TMEM59L: variants seen among roughly 807,000 people sequenced by gnomAD.
TMEM59L encodes transmembrane protein 59-like.
Under a neutral mutation model 39.6 loss-of-function variants are expected in TMEM59L, and 31 were observed. The observed-to-expected ratio is 0.78, with a 90% CI of 0.59 to 1.06. The LOEUF is 1.06. Among genes scored for constraint, TMEM59L ranks in the 50% least tolerant of loss-of-function variants. The pLI, the probability that TMEM59L is intolerant of heterozygous loss-of-function variation, is 0.00. For missense variants in TMEM59L, 441 were observed against 451.3 expected, an observed-to-expected ratio of 0.98 and a Z score of 0.21; for synonymous variants, 219 against 202.9, an observed-to-expected ratio of 1.08 and a Z score of -0.68.
At chr19:18,617,427 C>G (rs539092703) in intron 5 of TMEM59L, 1 of 493,294 alleles carries the variant, frequency 2.0e-6, no homozygotes, top group Non-Finnish European at 4.0e-6. Flanking sequence ...TGGCCACCTC[C>G]CAGGGTTCCG....
In TMEM59L at chr19:18,619,186, C is replaced by T. The variant is rs531447557; in HGVS notation, c.900+694C>T. ...TTTGTATTTTTTGTAGAGATGGGGA[C>T]TATGTTGCCCAGGCTGGTCTTGAAC... On this transcript the variant is annotated intron_variant, in intron 7 of 7. Coordinates refer to ENST00000262817, the MANE Select transcript of TMEM59L (RefSeq NM_012109.3). 7.2e-5 allele frequency among the ~76,000 whole-genome samples: 11 copies of T among 152,132 alleles called. No individual in the cohort carries two copies. In the East Asian group the frequency reaches 1.7e-3, roughly 24 times the overall value.
Position 18,613,027 on chromosome 19 carries a change from C to T in TMEM59L, c.69C>T (p.Ala23=). 1 of 1,392,844 alleles carries T rather than the reference C, an allele frequency of 7.2e-7. No homozygotes were observed. Among genetic ancestry groups the T allele is most frequent in the South Asian group, 1.6e-5 (1 of 64,440 alleles). 86.3% of individuals were successfully genotyped at this position (1,392,844 alleles called of 1,614,324 possible). Residue 23 remains alanine, a synonymous_variant, in exon 1 of 8, where the codon GCC becomes GCT. Coordinates refer to ENST00000262817, the MANE Select transcript of TMEM59L (RefSeq NM_012109.3). ...LLLLLASPPA[A]SAPSARDPFA... is the part of the protein sequence containing the mutation. Reference sequence around the variant, plus strand: ...TGCTGTTGGCGTCGCCGCCCGCCGCCTCCGCGCCGTCCGCCCGCGATCCCT... The same window carrying T: ...TGCTGTTGGCGTCGCCGCCCGCCGCTTCCGCGCCGTCCGCCCGCGATCCCT...
intron 1 of TMEM59L, among the ~76,000 whole-genome samples, chr19:18,613,505 C>A (rs1862644): frequency 0.48 from 72,264 of 150,026 alleles, 17,444 homozygotes; most frequent in East Asian, 0.62. Flanking sequence ...CCTACTCATA[C>A]CACCACTCCC....
In TMEM59L at chr19:18,620,555, A is replaced by G. The variant is rs972756700; in HGVS notation, c.*19A>G. ...GCTGTAGGCCTCCACTGGCCCCATCACTGCCAACTGCAGGGGGCCCCTCGG... is the reference window on the plus strand; with the variant it reads ...GCTGTAGGCCTCCACTGGCCCCATCGCTGCCAACTGCAGGGGGCCCCTCGG... On this transcript the variant is annotated 3_prime_UTR_variant, in exon 8 of 8. Transcript: ENST00000262817. 1.9e-6 allele frequency: 3 copies of G among 1,610,516 alleles called. No individual in the cohort carries two copies. The highest frequency in any genetic ancestry group is 1.7e-6 in the Non-Finnish European group (2 of 1,178,294).
In TMEM59L at chr19:18,620,642, AC is replaced by A. The variant is rs1361218238; in HGVS notation, c.*111del. ...GGTGGGTCCAGCCTTGAGCCCCTCC[AC>A]CCCCAAATCCTTCCTCTCCTCCCAG... On this transcript the variant is annotated 3_prime_UTR_variant, in exon 8 of 8. Coordinates refer to ENST00000262817, the MANE Select transcript of TMEM59L (RefSeq NM_012109.3). 2.2e-6 allele frequency: 3 copies of A among 1,395,226 alleles called. No individual in the cohort carries two copies. In the East Asian group the frequency reaches 7.9e-5, roughly 37 times the overall value. The allele number at this position is 1,395,226 out of a possible 1,614,324, so 86.4% of individuals were successfully genotyped here.
intron 3 of TMEM59L, 82 bp downstream of exon 3, chr19:18,614,277 C>T: frequency 6.9e-7 from 1 of 1,455,132 alleles, no homozygotes; most frequent in Non-Finnish European, 9.3e-7. Flanking sequence ...CATTCACGTG[C>T]AGAGGCTCTG....
intron 7 of TMEM59L, among the ~76,000 whole-genome samples, chr19:18,618,703 T>C (rs1976461487): frequency 1.3e-5 from 1 of 75,038 alleles, no homozygotes; most frequent in Non-Finnish European, 3.2e-5. Context: ...TATATATATA[T>C]ATTTTTTTTG....
Position 18,618,062 on chromosome 19 carries a change from T to C in TMEM59L, c.665-93T>C, listed in dbSNP as rs375673239. 4.5e-6 allele frequency: 4 copies of C among 898,262 alleles called. No homozygotes were observed. In the East Asian group the frequency reaches 7.2e-5, roughly 16 times the overall value. 55.6% of individuals were successfully genotyped at this position (898,262 alleles called of 1,614,324 possible). A position where few individuals can be genotyped will look rare whatever the true frequency, so the allele number is the denominator to read the frequency against. ...CTCTGATCTCCATTCCAGGACTCTA[T>C]GCCCCAGGTCCTGACCTCCTCCCTC... On this transcript the variant is annotated intron_variant, in intron 5 of 7. Transcript: ENST00000262817.
In TMEM59L at chr19:18,617,051, GT is replaced by G; in HGVS notation, c.614del (p.Val205GlyfsTer3). 1 of 1,613,394 alleles carries G rather than the reference GT, an allele frequency of 6.2e-7. No homozygotes were observed. The highest frequency in any genetic ancestry group is 8.5e-7 in the Non-Finnish European group (1 of 1,179,916). Reference protein sequence around the residue: ...LGFQGGRLQRVEVTWRGSHPE... With the variant: ...LGFQGGRLQRXEVTWRGSHPE... ...CTTCCAGGGGGGCCGTCTGCAGCGC[GT>G]GGAGGTGACCTGGCGAGGCTCCCAC... On this transcript the variant is annotated frameshift_variant, in exon 5 of 8. Transcript: ENST00000262817. LOFTEE classifies it high-confidence loss of function.
intron 5 of TMEM59L, chr19:18,617,605 T>G: frequency 2.2e-6 from 1 of 453,846 alleles, no homozygotes; most frequent in Non-Finnish European, 4.4e-6. Flanking sequence ...CTAGGGTCCA[T>G]CTCCAAGGGT....
At position 18,615,970 on chromosome 19, in the gene TMEM59L, AC is replaced by A; in HGVS notation, c.409-3del. 6.2e-7 allele frequency: 1 copy of A among 1,611,236 alleles called. No homozygotes were observed. Among genetic ancestry groups the A allele is most frequent in the African/African-American group, 1.3e-5 (1 of 74,658 alleles). On this transcript the variant is annotated splice_polypyrimidine_tract_variant and splice_region_variant and intron_variant, in intron 3 of 7. Transcript: ENST00000262817. ...ATCTTTGTGTCTTGGACCTTTTTTCACCAGAGAAAGGTCCTGGAGGCTCCAA... is the reference window on the plus strand; with the variant it reads ...ATCTTTGTGTCTTGGACCTTTTTTCACAGAGAAAGGTCCTGGAGGCTCCAA...
Position 18,613,863 on chromosome 19 carries a change from C to T in TMEM59L, c.172-9C>T, listed in dbSNP as rs773018643. 2 of 1,609,120 alleles carry T rather than the reference C, an allele frequency of 1.2e-6. No individual in the cohort carries two copies. The highest frequency in any genetic ancestry group is 3.3e-5 in the Admixed American group (2 of 59,972). Reference sequence around the variant, plus strand: ...CATGGCCTGAGCCCCCTGTCCTCCCCTCCCCCAGGCGGGGCTGGAGGGCGC... The same window carrying T: ...CATGGCCTGAGCCCCCTGTCCTCCCTTCCCCCAGGCGGGGCTGGAGGGCGC... On this transcript the variant is annotated splice_polypyrimidine_tract_variant and intron_variant, in intron 1 of 7. Coordinates refer to ENST00000262817, the MANE Select transcript of TMEM59L (RefSeq NM_012109.3).
Position 18,620,862 on chromosome 19 carries a change from CG to C in TMEM59L, c.*334del, listed in dbSNP as rs3833879. ...TTTTTCCTTCTATGTCCCCTCTCTGCGGGGGGGGCGCTGAGGCTGAGGGGGA... is the reference window on the plus strand; with the variant it reads ...TTTTTCCTTCTATGTCCCCTCTCTGCGGGGGGGCGCTGAGGCTGAGGGGGA... On this transcript the variant is annotated 3_prime_UTR_variant, in exon 8 of 8. Coordinates refer to ENST00000262817, the MANE Select transcript of TMEM59L (RefSeq NM_012109.3). 0.71 allele frequency: 124,261 copies of C among 174,684 alleles called. 45,912 individuals carry two copies. The highest frequency in any genetic ancestry group is 0.92 in the African/African-American group (38,917 of 42,302). 10.8% of individuals were successfully genotyped at this position (174,684 alleles called of 1,614,324 possible).
chr19:18,614,276 G>T, intron 3 of TMEM59L, 81 bp downstream of exon 3: 1 of 1,462,306 alleles, frequency 6.8e-7, no homozygotes, highest in Non-Finnish European at 9.2e-7. Context: ...TCATTCACGT[G>T]CAGAGGCTCT....
chr19:18,613,353 T>C (rs2145346624), intron 1 of TMEM59L, among the ~76,000 whole-genome samples: 1 of 152,078 alleles, frequency 6.6e-6, no homozygotes, highest in South Asian at 2.1e-4. Flanking sequence ...AAGGGGCCGA[T>C]ACCACCTCCC....
chr19:18,616,930 C>A, intron 4 of TMEM59L, 70 bp from the exon 5 acceptor site: 1 of 1,242,830 alleles, frequency 8.0e-7, no homozygotes, highest in Non-Finnish European at 1.1e-6. Context: ...ATGGCAGTCA[C>A]AGAGGGCCTG....
At chr19:18,616,387 T>G (rs3049090) in intron 4 of TMEM59L, among the ~76,000 whole-genome samples, 39,162 of 151,466 alleles carry the variant, frequency 0.26, 5,976 homozygotes, top group African/African-American at 0.43. Flanking sequence ...GTGGTTTTTT[T>G]TTGTTGTTGT....
At chr19:18,617,360 T>G (rs1458367145) in intron 5 of TMEM59L, 2 of 581,604 alleles carry the variant, frequency 3.4e-6, no homozygotes, top group Non-Finnish European at 6.5e-6. Flanking sequence ...CATGGTCTAT[T>G]TACCAGGGAT....
chr19:18,620,077 T>A (rs1172944319), intron 7 of TMEM59L, among the ~76,000 whole-genome samples: 1 of 149,602 alleles, frequency 6.7e-6, no homozygotes, highest in Non-Finnish European at 1.5e-5. Flanking sequence ...GAGGCTGAGG[T>A]GGGCAGATCA....
Sources: gnomAD v4.1 joint callset for allele counts (sites outside exome capture counted in the v4.1 genomes callset) on GRCh38, gnomAD v4.1.1 for gene constraint, MANE v1.5 for transcripts, NCBI Gene and HGNC (gene_info 2026-07-23, HGNC 2026-07-21) for gene names.